Variants in RGS20 observed in about 807,000 individuals in gnomAD.
RGS20 encodes the protein regulator of G protein signaling 20, also known as gz-selective GTPase-activating protein.
RGS20 carries 30 observed loss-of-function variants against 33.6 expected under a neutral mutation model. The ratio of observed to expected loss-of-function variants is 0.89; its 90% CI spans 0.67 to 1.21. RGS20 has a LOEUF of 1.21. Ranked by LOEUF, RGS20 falls within the 50% of genes most tolerant of loss-of-function variation. The pLI, the probability that RGS20 is intolerant of heterozygous loss-of-function variation, is 0.00. For missense variants in RGS20, 472 were observed against 502.4 expected, an observed-to-expected ratio of 0.94 and a Z score of 0.58; for synonymous variants, 208 against 197.9, an observed-to-expected ratio of 1.05 and a Z score of -0.43.
intron 2 of RGS20, among the ~76,000 whole-genome samples, chr8:53,905,897 T>C (rs931017054): frequency 6.6e-6 from 1 of 152,184 alleles, no homozygotes; most frequent in African/African-American, 2.4e-5. Flanking sequence ...CTAGAGCCCT[T>C]CAAATGAGAT....
chr8:53,921,820 G>T (rs1416471239), intron 2 of RGS20, among the ~76,000 whole-genome samples: 4 of 151,718 alleles, frequency 2.6e-5, no homozygotes, highest in Admixed American at 2.6e-4. Context: ...TTTCTCTTTT[G>T]TATTTTTCTA....
chr8:53,954,184 C>A lies in RGS20; in HGVS notation c.852C>A (p.Phe284Leu). 6.2e-7 allele frequency: 1 copy of A among 1,613,890 alleles called. No individual in the cohort carries two copies. The highest frequency in any genetic ancestry group is 8.5e-7 in the Non-Finnish European group (1 of 1,179,844). The change falls in exon 5 of 6, where the codon TTC becomes TTA. Residue 284 changes from phenylalanine (F) to leucine (L), a missense_variant. Phe to Leu is a conservative substitution (Grantham distance 22). Coordinates refer to ENST00000297313, the MANE Select transcript of RGS20 (RefSeq NM_170587.4). ...TCCGTGAATTCCTCCGAACAGAATT[C>A]AGTGAGGAAAATATGCTCTTCTGGA...
intron 2 of RGS20, among the ~76,000 whole-genome samples, chr8:53,888,995 T>A (rs1248247147): frequency 2.0e-5 from 3 of 151,992 alleles, no homozygotes; most frequent in African/African-American, 7.3e-5. Context: ...GGAGCTATTA[T>A]GAATAATGCT....
chr8:53,864,266 C>T (rs912321552), intron 1 of RGS20, among the ~76,000 whole-genome samples: 24 of 150,826 alleles, frequency 1.6e-4, no homozygotes, highest in African/African-American at 5.8e-4. Flanking sequence ...CCCGTCTCTA[C>T]AAAAATACAA....
chr8:53,861,174 C>A (rs967412602), intron 1 of RGS20, among the ~76,000 whole-genome samples: 8 of 152,116 alleles, frequency 5.3e-5, no homozygotes, highest in Admixed American at 5.2e-4. Flanking sequence ...GCTTTGTAAT[C>A]ACGCCTCAGA....
At chr8:53,953,520 C>CAA (rs34123353) in intron 4 of RGS20, among the ~76,000 whole-genome samples, 2,484 of 148,040 alleles carry the variant, frequency 0.017, 53 homozygotes, top group African/African-American at 0.05. Context: ...GACTCTGTCT[C>CAA]AAAAAAAAAA....
intron 2 of RGS20, among the ~76,000 whole-genome samples, chr8:53,932,676 G>T (rs1047037361): frequency 6.6e-6 from 1 of 152,198 alleles, no homozygotes; most frequent in Non-Finnish European, 1.5e-5. Context: ...CAAAGCACCT[G>T]GGGGAAGGGG....
At chr8:53,868,705 T>C (rs1811981222) in intron 1 of RGS20, among the ~76,000 whole-genome samples, 1 of 152,102 alleles carries the variant, frequency 6.6e-6, no homozygotes, top group African/African-American at 2.4e-5. Context: ...ACTCACTGAA[T>C]TTTTAAAATT....
At chr8:53,879,182 T>C in intron 1 of RGS20, 8 of 1,197,274 alleles carry the variant, frequency 6.7e-6, no homozygotes, top group Non-Finnish European at 9.7e-6. Flanking sequence ...CAAAATTCTG[T>C]AGTAAAGAGC....
chr8:53,903,524 A>G (rs1214775005), intron 2 of RGS20, among the ~76,000 whole-genome samples: 1 of 152,282 alleles, frequency 6.6e-6, no homozygotes, highest in East Asian at 1.9e-4. Flanking sequence ...GGAAGCCACA[A>G]AGAGCAAACT....
chr8:53,884,313 A>G (rs549344593), intron 2 of RGS20, among the ~76,000 whole-genome samples: 1 of 148,630 alleles, frequency 6.7e-6, no homozygotes, highest in Non-Finnish European at 1.5e-5. Context: ...CTCCCACCTC[A>G]GCCTCAGGAG....
chr8:53,937,078 G>A (rs1392358918), intron 2 of RGS20, among the ~76,000 whole-genome samples: 3 of 152,006 alleles, frequency 2.0e-5, no homozygotes, highest in African/African-American at 7.2e-5. Flanking sequence ...ACTCATAGGT[G>A]GGAATTGAAC....
At chr8:53,904,194 C>G (rs1050301135) in intron 2 of RGS20, among the ~76,000 whole-genome samples, 3 of 151,286 alleles carry the variant, frequency 2.0e-5, no homozygotes, top group Non-Finnish European at 4.4e-5. Context: ...GTGATCTCTG[C>G]TCACTGCAAC....
chr8:53,901,150 C>G (rs1278479958), intron 2 of RGS20, among the ~76,000 whole-genome samples: 1 of 151,256 alleles, frequency 6.6e-6, no homozygotes, highest in Non-Finnish European at 1.5e-5. Context: ...TCACTACAAC[C>G]TCCGCCTTGC....
intron 2 of RGS20, among the ~76,000 whole-genome samples, chr8:53,885,201 AT>A (rs1287866258): frequency 1.3e-5 from 2 of 152,242 alleles, no homozygotes; most frequent in African/African-American, 4.8e-5. Context: ...TTAAGTATTA[AT>A]TCCTGAAATC....
At chr8:53,958,034 G>A (rs1030534112) in intron 5 of RGS20, among the ~76,000 whole-genome samples, 3 of 152,118 alleles carry the variant, frequency 2.0e-5, no homozygotes, top group Admixed American at 6.6e-5. Context: ...TACTCGGGAG[G>A]CTGAGGTAGG....
At chr8:53,925,630 G>A (rs1813769554) in intron 2 of RGS20, among the ~76,000 whole-genome samples, 1 of 152,216 alleles carries the variant, frequency 6.6e-6, no homozygotes, top group Non-Finnish European at 1.5e-5. Flanking sequence ...AGCTACTCAG[G>A]AGGCTGAGGC....
At chr8:53,868,591 A>G (rs2129270752) in intron 1 of RGS20, among the ~76,000 whole-genome samples, 1 of 152,264 alleles carries the variant, frequency 6.6e-6, no homozygotes, top group Admixed American at 6.5e-5. Flanking sequence ...TATAATAAAG[A>G]TAAGTATACA....
At chr8:53,906,673 G>T (rs535495503) in intron 2 of RGS20, among the ~76,000 whole-genome samples, 1 of 152,160 alleles carries the variant, frequency 6.6e-6, no homozygotes, top group Non-Finnish European at 1.5e-5. Flanking sequence ...CTGGAATATC[G>T]CAGTGCTTTT....
Sources: gnomAD v4.1 joint callset for allele counts (sites outside exome capture counted in the v4.1 genomes callset) on GRCh38, gnomAD v4.1.1 for gene constraint, MANE v1.5 for transcripts, NCBI Gene and HGNC (gene_info 2026-07-23, HGNC 2026-07-21) for gene names.